NBAS: variants seen among roughly 807,000 people sequenced by gnomAD.
The protein encoded by NBAS is NBAS subunit of NRZ tethering complex, also known as NAG/BC035112 fusion.
A neutral mutation model predicts 302.5 loss-of-function variants in NBAS; 219 were observed. The ratio of observed to expected loss-of-function variants is 0.72; its 90% CI spans 0.65 to 0.81. NBAS has a LOEUF of 0.81. NBAS is among the 30% of genes least tolerant of loss of function. The probability of loss-of-function intolerance (pLI) is 0.00; values close to 1 mark genes in which losing one functional copy is unlikely to be tolerated. For missense variants in NBAS, 2,932 were observed against 2,841.6 expected (o/e 1.03, Z -0.72); for synonymous variants, 1,118 against 1,021.6 (o/e 1.09, Z -1.80).
the NBAS span, among the ~76,000 whole-genome samples, chr2:14,870,989 T>TA: frequency 2.8e-5 from 4 of 143,786 alleles, no homozygotes; most frequent in South Asian, 2.2e-4. Flanking sequence ...AAAAATAAAC[T>TA]AAAAAAAAAT....
At chr2:15,082,754 G>A in the NBAS span, among the ~76,000 whole-genome samples, 3 of 152,150 alleles carry the variant, frequency 2.0e-5, no homozygotes, top group Non-Finnish European at 4.4e-5. Flanking sequence ...TCTTTTCCTA[G>A]GTACTGCCAA....
chr2:15,407,638 A>G (rs1676480312), intron 25 of NBAS, among the ~76,000 whole-genome samples: 1 of 152,210 alleles, frequency 6.6e-6, no homozygotes, highest in South Asian at 2.1e-4. Flanking sequence ...ACACAGCAGA[A>G]TGAGCAAAAT....
At chr2:15,553,534 G>T in intron 4 of NBAS, 61 bp from the exon 5 acceptor site, 1 of 1,372,292 alleles carries the variant, frequency 7.3e-7, no homozygotes, top group Non-Finnish European at 1.0e-6. Flanking sequence ...GCAGTTTTCA[G>T]CACAGATGGA....
chr2:15,402,262 C>A lies in NBAS; in HGVS notation c.2977G>T (p.Ala993Ser), dbSNP rs1345750172. ...KIIPDQDQLMAIALECIYTCE... is the reference protein window; with the variant it reads ...KIIPDQDQLMSIALECIYTCE... ...GTATAGATGCACTCTAGTGCTATTG[C>A]CATCAGTTGGTCCTGATCAGGAATA... is the stretch of plus-strand genomic sequence containing the variant. The change falls in exon 26 of 52, where the codon GCA (alanine) becomes TCA (serine). Residue 993 changes from alanine (A) to serine (S), a missense_variant. By Grantham distance (99) the Ala-to-Ser change is moderately conservative. Coordinates refer to ENST00000281513, the MANE Select transcript of NBAS (RefSeq NM_015909.4). 1.2e-6 allele frequency: 2 copies of A among 1,613,518 alleles called. No individual in the cohort carries two copies. The highest frequency in any genetic ancestry group is 1.7e-6 in the Non-Finnish European group (2 of 1,179,618).
chr2:15,143,702 G>A, the NBAS span, among the ~76,000 whole-genome samples: 4 of 152,078 alleles, frequency 2.6e-5, no homozygotes, highest in Admixed American at 6.5e-5. Context: ...ACAAAGTATT[G>A]ATCCTGGGTG....
At chr2:15,353,737 A>G in intron 33 of NBAS, 27 bp from the exon 34 acceptor site, 1 of 1,613,776 alleles carries the variant, frequency 6.2e-7, no homozygotes, top group Non-Finnish European at 8.5e-7. Context: ...GAAAAAAATG[A>G]TTCCCAAAAG....
chr2:15,171,835 T>C (rs907896811), intron 51 of NBAS, among the ~76,000 whole-genome samples: 1 of 152,158 alleles, frequency 6.6e-6, no homozygotes, highest in Non-Finnish European at 1.5e-5. Context: ...AAAGCAAGGG[T>C]CAGCCATGTG....
At chr2:14,813,197 G>A in the NBAS span, among the ~76,000 whole-genome samples, 1 of 152,104 alleles carries the variant, frequency 6.6e-6, no homozygotes, top group African/African-American at 2.4e-5. Flanking sequence ...CCAGAAAATG[G>A]GGCATTGGTA....
intron 29 of NBAS, among the ~76,000 whole-genome samples, 200 bp downstream of exon 29, chr2:15,383,011 CAGAT>C (rs1172307039): frequency 2.6e-5 from 4 of 151,962 alleles, no homozygotes; most frequent in Non-Finnish European, 4.4e-5. Flanking sequence ...ACCTACTAAA[CAGAT>C]AGTGTTGCAA....
At chr2:14,818,111 C>T in the NBAS span, among the ~76,000 whole-genome samples, 1 of 152,152 alleles carries the variant, frequency 6.6e-6, no homozygotes, top group Non-Finnish European at 1.5e-5. Flanking sequence ...CCTGTCTCTG[C>T]TCCATCTGTT....
chr2:15,353,288 A>G (rs1006341744), intron 34 of NBAS, among the ~76,000 whole-genome samples: 1 of 152,156 alleles, frequency 6.6e-6, no homozygotes, highest in Non-Finnish European at 1.5e-5. Context: ...AACTTTCCCC[A>G]TTATTTTCAA....
chr2:15,349,588 C>G (rs1014123842), intron 35 of NBAS, among the ~76,000 whole-genome samples: 2 of 152,164 alleles, frequency 1.3e-5, no homozygotes, highest in African/African-American at 4.8e-5. Flanking sequence ...GGTGCATCTT[C>G]TAGACCTCTG....
At chr2:15,440,071 G>T (rs552719875) in intron 21 of NBAS, among the ~76,000 whole-genome samples, 7 of 152,226 alleles carry the variant, frequency 4.6e-5, no homozygotes, top group Non-Finnish European at 8.8e-5. Context: ...CTCCATCTCT[G>T]GGGGCAGGGC....
At chr2:14,789,527 C>T in the NBAS span, among the ~76,000 whole-genome samples, 1 of 152,088 alleles carries the variant, frequency 6.6e-6, no homozygotes, top group African/African-American at 2.4e-5. Flanking sequence ...GGTATTCAGG[C>T]CATATATTGA....
At chr2:14,838,544 G>T in the NBAS span, among the ~76,000 whole-genome samples, 77,151 of 151,832 alleles carry the variant, frequency 0.51, 20,316 homozygotes, top group African/African-American at 0.65. Flanking sequence ...AAGGTCTTGT[G>T]GGTCTGTTTC....
the NBAS span, among the ~76,000 whole-genome samples, chr2:15,070,798 C>A: frequency 6.6e-6 from 1 of 151,854 alleles, no homozygotes; most frequent in Admixed American, 6.6e-5. Flanking sequence ...CAAGACTTAC[C>A]TGAAAGACCA....
At position 15,418,918 on chromosome 2, in the gene NBAS, T is replaced by C. The variant is rs16862674; in HGVS notation, c.2578-1206A>G. On this transcript the variant is annotated intron_variant, in intron 23 of 51. Coordinates refer to ENST00000281513, the MANE Select transcript of NBAS (RefSeq NM_015909.4). ...ATTTCTGAATGAGACATGTCACAAA[T>C]AGAGCTACACTTTGGAAGGAATACT... Among the ~76,000 whole-genome samples, 1,119 of 152,238 alleles carry C rather than the reference T, an allele frequency of 7.4e-3. 44 individuals carry two copies. Among genetic ancestry groups the C allele is most frequent in the Admixed American group, 0.059 (895 of 15,286 alleles).
the NBAS span, among the ~76,000 whole-genome samples, chr2:14,912,859 T>G: frequency 2.0e-5 from 3 of 152,320 alleles, no homozygotes; most frequent in South Asian, 6.2e-4. Flanking sequence ...TTTGTAGCTA[T>G]TTTATTTTAA....
At chr2:15,261,783 G>A (rs1223376950) in intron 44 of NBAS, among the ~76,000 whole-genome samples, 1 of 152,148 alleles carries the variant, frequency 6.6e-6, no homozygotes, top group African/African-American at 2.4e-5. Context: ...TATTGTTATT[G>A]AGCACATACA....
Sources: gnomAD v4.1 joint callset for allele counts (sites outside exome capture counted in the v4.1 genomes callset) on GRCh38, gnomAD v4.1.1 for gene constraint, MANE v1.5 for transcripts, NCBI Gene and HGNC (gene_info 2026-07-23, HGNC 2026-07-21) for gene names.